The following KLK8 variants were observed in gnomAD, a reference collection of about 807,000 sequenced individuals.
KLK8 encodes the protein kallikrein related peptidase 8.
KLK8 carries 18 observed loss-of-function variants against 26.7 expected under a neutral mutation model. The ratio of observed to expected loss-of-function variants is 0.67; its 90% CI spans 0.47 to 1.00. KLK8 has a LOEUF of 1.00. Ranked by LOEUF, KLK8 falls within the 50% of genes least tolerant of loss-of-function variation. The pLI, the probability that KLK8 is intolerant of heterozygous loss-of-function variation, is 0.00. For missense variants in KLK8, 301 were observed against 331.7 expected (o/e 0.91, Z 0.72); for synonymous variants, 137 against 127.1 (o/e 1.08, Z -0.52).
exon 7 of KLK8, chr19:50,996,110 G>T: frequency 6.2e-7 from 1 of 1,614,248 alleles, no homozygotes; most frequent in Non-Finnish European, 8.5e-7. Flanking sequence ...AGCGGCAGAT[G>T]TTGGTATAGA....
chr19:51,000,351 C>T (rs2091210877), intron 4 of KLK8, 73 bp downstream of exon 3: 3 of 1,547,122 alleles, frequency 1.9e-6, no homozygotes, highest in East Asian at 4.5e-5. Flanking sequence ...TCAGCTCTCT[C>T]CTTCCTGAGT....
At chr19:50,998,159 T>C (rs1434554411) in intron 5 of KLK8, among the ~76,000 whole-genome samples, 1 of 152,136 alleles carries the variant, frequency 6.6e-6, no homozygotes, top group Non-Finnish European at 1.5e-5. Flanking sequence ...GGCTGGGGGT[T>C]ACTTGGAGGT....
chr19:50,997,914 G>A (rs760488314), intron 5 of KLK8, 30 bp from the exon 5 acceptor site: 45 of 1,612,502 alleles, frequency 2.8e-5, no homozygotes, highest in Middle Eastern at 1.6e-4. Flanking sequence ...AAGGTTCCCT[G>A]AGAGAGCAGC....
At chr19:51,001,369 G>A (rs1274208213) in intron 2 of KLK8, among the ~76,000 whole-genome samples, 163 bp downstream of exon 1, 3 of 151,982 alleles carry the variant, frequency 2.0e-5, no homozygotes, top group Admixed American at 6.6e-5. Context: ...GGTCTGAGGG[G>A]ACAGGGAGCT....
rs183747958 is a variant in KLK8, at chr19:50,997,156, G to A, written c.627+595C>T. 8.1e-4 allele frequency among the ~76,000 whole-genome samples: 123 copies of A among 152,272 alleles called. 1 individual carries two copies. The highest frequency in any genetic ancestry group is 6.8e-3 in the Middle Eastern group (2 of 294). On this transcript the variant is annotated intron_variant, in intron 6 of 6. Transcript: ENST00000600767. ...GCCAGGGGAAAGTGCTAGGAACAAC[G>A]AAGTTGCAGTTAGAAGAGAGAGTTA... is the stretch of plus-strand genomic sequence containing the variant.
chr19:50,997,907 G>A (rs28707546), intron 5 of KLK8, 23 bp from the exon 5 acceptor site: 8 of 1,613,180 alleles, frequency 5.0e-6, no homozygotes, highest in African/African-American at 1.3e-5. Context: ...AGGTTGTAAG[G>A]TTCCCTGAGA....
exon 4 of KLK8, chr19:51,000,444 T>C (rs756193379): frequency 1.8e-5 from 29 of 1,611,284 alleles, no homozygotes; most frequent in Non-Finnish European, 2.4e-5. Context: ...AGTGGGCAGC[T>C]GTAAGGACCC....
intron 5 of KLK8, 84 bp downstream of exon 4, chr19:50,999,912 G>T: frequency 7.0e-7 from 1 of 1,427,600 alleles, no homozygotes; most frequent in Non-Finnish European, 9.5e-7. Context: ...TCTCCCTCTG[G>T]GGGACCAAGC....
chr19:50,999,583 CAAAAAAAAAAA>C (rs56988162), intron 5 of KLK8, among the ~76,000 whole-genome samples: 16 of 30,292 alleles, frequency 5.3e-4, no homozygotes, highest in East Asian at 3.0e-3. Context: ...TGTCCCCCTG[CAAAAAAAAAAA>C]AAAAAAAAAA....
chr19:51,001,140 T>A lies in KLK8; in HGVS notation c.28A>T (p.Lys10Ter). The A allele has an allele frequency of 1.9e-6, 3 of 1,613,520 alleles. No homozygotes were observed. The highest frequency in any genetic ancestry group is 2.5e-6 in the Non-Finnish European group (3 of 1,179,876). The change falls in exon 3 of 7, where the codon AAG becomes TAG. Residue 10 changes from lysine (K) to a stop codon, truncating the protein, a stop_gained. Transcript: ENST00000600767. LOFTEE classifies it high-confidence loss of function. Reference sequence around the variant, plus strand: ...AGCAAGAGCAGGAACATCCACGTCTTGGCCGCACGAGGTCGGGGGCGTCCC... The same window carrying A: ...AGCAAGAGCAGGAACATCCACGTCTAGGCCGCACGAGGTCGGGGGCGTCCC...
At chr19:50,997,907 G>T (rs28707546) in intron 5 of KLK8, 23 bp from the exon 5 acceptor site, 73 of 1,613,062 alleles carry the variant, frequency 4.5e-5, no homozygotes, top group Non-Finnish European at 5.1e-5. Flanking sequence ...AGGTTGTAAG[G>T]TTCCCTGAGA....
Position 51,000,362 on chromosome 19 carries a change from C to A in KLK8, c.230+62G>T. ...GTCCTCAGCTCTCTCCTTCCTGAGTCGAAACCCCAGCCCCCTCTTTCCTTA... is the reference window on the plus strand; with the variant it reads ...GTCCTCAGCTCTCTCCTTCCTGAGTAGAAACCCCAGCCCCCTCTTTCCTTA... On this transcript the variant is annotated intron_variant, in intron 4 of 6. Coordinates refer to ENST00000600767, the Ensembl canonical transcript of KLK8. The A allele has an allele frequency of 1.9e-6, 3 of 1,549,226 alleles. No individual in the cohort carries two copies. The South Asian group carries it at 3.7e-5, about 19-fold the overall frequency.
At chr19:51,000,667 C>T in intron 3 of KLK8, 84 bp from the exon 3 acceptor site, 1 of 1,582,140 alleles carries the variant, frequency 6.3e-7, no homozygotes, top group Non-Finnish European at 8.6e-7. Context: ...CAAATGGACA[C>T]ACGGCAAGTT....
At chr19:51,001,242 GGGCACTGGGGA>G in intron 2 of KLK8, 67 bp from the exon 2 acceptor site, 15 of 1,412,542 alleles carry the variant, frequency 1.1e-5, no homozygotes, top group Non-Finnish European at 1.5e-5. Flanking sequence ...TTCTGGATTT[GGGCACTGGGGA>G]GGCAGCCGAG....
At position 51,000,493 on chromosome 19, in the gene KLK8, T is replaced by C. The variant is rs760193698; in HGVS notation, c.161A>G (p.Gln54Arg). The C allele has an allele frequency of 5.4e-5, 87 of 1,613,992 alleles. No individual in the cohort carries two copies. The highest frequency in any genetic ancestry group is 1.3e-4 in the Admixed American group (8 of 59,986). ...AAGGACACCGCCACAGAGTAGTTGC[T>C]GGCCCTGGAACAAGGCCGCCTGCCA... Residue 54 changes from glutamine (Q) to arginine (R), a missense_variant, in exon 4 of 7, where the codon CAG becomes CGG. Transcript: ENST00000600767.
At chr19:50,999,844 G>A (rs972552168) in intron 5 of KLK8, 152 bp downstream of exon 4, 4 of 787,828 alleles carry the variant, frequency 5.1e-6, no homozygotes, top group Non-Finnish European at 7.8e-6. Context: ...GATCTTCGAG[G>A]CTTCTCATAT....
chr19:50,997,722 TGAG>T (rs777010253), intron 6 of KLK8, 26 bp downstream of exon 5: 16 of 1,612,654 alleles, frequency 9.9e-6, no homozygotes, highest in South Asian at 9.9e-5. Context: ...GAGGGATGTG[TGAG>T]GAGAAGGATT....
intron 5 of KLK8, 108 bp downstream of exon 4, chr19:50,999,888 C>G: frequency 1.7e-6 from 2 of 1,183,500 alleles, no homozygotes; most frequent in Non-Finnish European, 1.2e-6. Context: ...ATCATGATCA[C>G]TTTCCCTTCT....
At chr19:50,996,935 CA>C (rs879686903) in intron 6 of KLK8, among the ~76,000 whole-genome samples, 35,660 of 118,876 alleles carry the variant, frequency 0.3, 4,491 homozygotes, top group Admixed American at 0.34. Context: ...CACACACACA[CA>C]CACCATATCC....
Sources: allele counts gnomAD v4.1 joint callset (sites outside exome capture counted in the v4.1 genomes callset), GRCh38; gene constraint gnomAD v4.1.1; transcripts MANE v1.5; gene names NCBI Gene and HGNC (gene_info 2026-07-23, HGNC 2026-07-21).